The following PRTFDC1 variants were observed in gnomAD, a reference collection of about 807,000 sequenced individuals.
The protein encoded by PRTFDC1 is phosphoribosyltransferase domain-containing protein 1.
A neutral mutation model predicts 34.6 loss-of-function variants in PRTFDC1; 38 were observed. The observed-to-expected ratio is 1.10, with a 90% confidence interval of 0.85 to 1.44. The LOEUF (loss-of-function observed/expected upper bound fraction) is 1.44, where lower values mean the gene tolerates loss of function less well. Among genes scored for constraint, PRTFDC1 ranks in the 40% most tolerant of loss-of-function variants. PRTFDC1 has a pLI of 0.00. For synonymous variants in PRTFDC1, 93 were observed against 98.1 expected (o/e 0.95, Z 0.31); for missense variants, 270 against 283.0 (o/e 0.95, Z 0.33).
intron 3 of PRTFDC1, among the ~76,000 whole-genome samples, chr10:24,876,331 T>C (rs1478472693): frequency 2.6e-5 from 4 of 152,130 alleles, no homozygotes; most frequent in Non-Finnish European, 4.4e-5. Flanking sequence ...TTAATGCATG[T>C]GGAACATTTA....
At chr10:24,853,768 A>G (rs1007462525) in intron 7 of PRTFDC1, among the ~76,000 whole-genome samples, 2 of 152,200 alleles carry the variant, frequency 1.3e-5, no homozygotes, top group East Asian at 1.9e-4. Context: ...TTGAGATGTC[A>G]TAGAATAAAA....
chr10:24,927,669 C>T (rs565867609), intron 3 of PRTFDC1, among the ~76,000 whole-genome samples: 21 of 151,584 alleles, frequency 1.4e-4, no homozygotes, highest in African/African-American at 4.6e-4. Context: ...GCAACCTCCA[C>T]CTCCTGGGTT....
intron 4 of PRTFDC1, among the ~76,000 whole-genome samples, chr10:24,865,263 C>A (rs1167244424): frequency 6.6e-6 from 1 of 152,032 alleles, no homozygotes; most frequent in Non-Finnish European, 1.5e-5. Context: ...TGATTCATCC[C>A]CTCCATTTTT....
At chr10:24,907,604 A>C (rs544475936) in intron 3 of PRTFDC1, among the ~76,000 whole-genome samples, 46 of 152,334 alleles carry the variant, frequency 3.0e-4, no homozygotes, top group Non-Finnish European at 5.3e-4. Flanking sequence ...TCAAAAAAAT[A>C]AAAATCAAAA....
intron 3 of PRTFDC1, among the ~76,000 whole-genome samples, chr10:24,909,132 A>T (rs151241129): frequency 3.3e-5 from 5 of 152,242 alleles, no homozygotes; most frequent in African/African-American, 1.2e-4. Flanking sequence ...AAGCCAAAAA[A>T]CACCCAGGCG....
chr10:24,907,701 C>T (rs1848558506), intron 3 of PRTFDC1, among the ~76,000 whole-genome samples: 3 of 152,196 alleles, frequency 2.0e-5, no homozygotes, highest in East Asian at 1.9e-4. Context: ...GGCATTTGTA[C>T]ACTTCATTTG....
At chr10:24,928,421 C>G (rs1249948436) in intron 3 of PRTFDC1, among the ~76,000 whole-genome samples, 1 of 152,036 alleles carries the variant, frequency 6.6e-6, no homozygotes, top group African/African-American at 2.4e-5. Context: ...GATTTCCTGT[C>G]TCAGAAAGAA....
chr10:24,934,499 C>T (rs890357075), intron 3 of PRTFDC1, among the ~76,000 whole-genome samples: 1 of 152,174 alleles, frequency 6.6e-6, no homozygotes, highest in Non-Finnish European at 1.5e-5. Context: ...TGATAAGAAA[C>T]ATTTACAATC....
chr10:24,893,498 A>G (rs1848299514), intron 3 of PRTFDC1, among the ~76,000 whole-genome samples: 1 of 152,000 alleles, frequency 6.6e-6, no homozygotes, highest in African/African-American at 2.4e-5. Context: ...TTTTGTAGAG[A>G]CAGGTCTCAA....
At chr10:24,861,504 C>CAA (rs71399938) in intron 4 of PRTFDC1, among the ~76,000 whole-genome samples, 1 of 151,496 alleles carries the variant, frequency 6.6e-6, no homozygotes, top group Non-Finnish European at 1.5e-5. Flanking sequence ...TATCTCAAAA[C>CAA]AAAAAACAAA....
At chr10:24,889,668 C>G (rs1243056296) in intron 3 of PRTFDC1, among the ~76,000 whole-genome samples, 2 of 152,166 alleles carry the variant, frequency 1.3e-5, no homozygotes, top group Non-Finnish European at 2.9e-5. Flanking sequence ...CAGACTTCTC[C>G]AGGTCTCAAA....
At chr10:24,920,575 CAT>C (rs10541765) in intron 3 of PRTFDC1, among the ~76,000 whole-genome samples, 26,494 of 152,054 alleles carry the variant, frequency 0.17, 3,263 homozygotes, top group African/African-American at 0.35. Context: ...ATAGCTAACA[CAT>C]GTGGGGCTTA....
intron 3 of PRTFDC1, among the ~76,000 whole-genome samples, chr10:24,933,079 T>G (rs1292237947): frequency 6.6e-6 from 1 of 151,910 alleles, no homozygotes; most frequent in African/African-American, 2.4e-5. Context: ...AGAAAAGGAA[T>G]CGCAATCCAT....
At chr10:24,942,515 G>T in intron 1 of PRTFDC1, 79 bp from the exon 2 acceptor site, 1 of 1,156,906 alleles carries the variant, frequency 8.6e-7, no homozygotes, top group South Asian at 1.2e-5. Flanking sequence ...TATCACTTGA[G>T]AGGAGAATTC....
chr10:24,892,503 T>C (rs975612015), intron 3 of PRTFDC1, among the ~76,000 whole-genome samples: 4 of 152,072 alleles, frequency 2.6e-5, no homozygotes, highest in African/African-American at 9.7e-5. Context: ...TTGATGACAT[T>C]GGGCATTTTT....
At chr10:24,908,759 A>C in intron 3 of PRTFDC1, 2 of 1,476,274 alleles carry the variant, frequency 1.4e-6, no homozygotes, top group Non-Finnish European at 1.8e-6. Context: ...CAGCCTGATC[A>C]ACCCTAGCGA....
intron 4 of PRTFDC1, among the ~76,000 whole-genome samples, chr10:24,864,996 G>A (rs539522128): frequency 2.6e-5 from 4 of 152,206 alleles, no homozygotes; most frequent in African/African-American, 7.2e-5. Flanking sequence ...CACGCCTGTA[G>A]TCCCAGCTAC....
intron 1 of PRTFDC1, among the ~76,000 whole-genome samples, chr10:24,950,469 A>C (rs1223046827): frequency 3.3e-5 from 5 of 152,138 alleles, no homozygotes; most frequent in African/African-American, 1.2e-4. Context: ...TTTTTGGATT[A>C]GGGATGCTCA....
chr10:24,903,077 A>G (rs1848473622), intron 3 of PRTFDC1, among the ~76,000 whole-genome samples: 1 of 152,178 alleles, frequency 6.6e-6, no homozygotes, highest in Non-Finnish European at 1.5e-5. Context: ...AGGCACCTGT[A>G]ATCCCAGCTA....
Sources: gnomAD v4.1 joint callset for allele counts (sites outside exome capture counted in the v4.1 genomes callset) on GRCh38, gnomAD v4.1.1 for gene constraint, MANE v1.5 for transcripts, NCBI Gene and HGNC (gene_info 2026-07-23, HGNC 2026-07-21) for gene names.